Variants in PTBP2 observed in about 807,000 individuals in gnomAD.
PTBP2 encodes the protein polypyrimidine tract binding protein 2.
In PTBP2, 13 loss-of-function variants were observed where a neutral mutation model predicts 61.4. That is an observed-to-expected ratio of 0.21 (90% CI 0.14 to 0.34). The LOEUF (loss-of-function observed/expected upper bound fraction) is 0.34, where lower values mean the gene tolerates loss of function less well. Among genes scored for constraint, PTBP2 ranks in the 10% least tolerant of loss-of-function variants. The pLI is 1.00. For missense variants in PTBP2, 405 were observed against 642.6 expected (o/e 0.63, Z 4.00); for synonymous variants, 215 against 218.5 (o/e 0.98, Z 0.14).
intron 2 of PTBP2, among the ~76,000 whole-genome samples, chr1:96,743,105 T>G (rs569427666): frequency 6.6e-6 from 1 of 151,786 alleles, no homozygotes; most frequent in South Asian, 2.1e-4. Context: ...GCTAACACAG[T>G]GAAAACCTGT....
Position 96,807,010 on chromosome 1 carries a change from C to T in PTBP2, c.1171+52C>T, listed in dbSNP as rs781635043. 3.7e-6 allele frequency: 5 copies of T among 1,354,486 alleles called. No individual in the cohort carries two copies. In the African/African-American group the frequency reaches 6.0e-5, roughly 16 times the overall value. The allele number at this position is 1,354,486 out of a possible 1,614,324, so 83.9% of individuals were successfully genotyped here. ...ACATCTTCACTTCTGCTTTCAAATG[C>T]ATAATGTGAATGTGCGAATAAAAAT... is the stretch of plus-strand genomic sequence containing the variant. On this transcript the variant is annotated intron_variant, in intron 11 of 13. Transcript: ENST00000674951.
intron 2 of PTBP2, among the ~76,000 whole-genome samples, chr1:96,742,959 T>C (rs900346007): frequency 1.3e-5 from 2 of 152,176 alleles, no homozygotes; most frequent in African/African-American, 4.8e-5. Context: ...TTTTCTTTTT[T>C]GTTGTTGTTA....
At chr1:96,754,568 T>C (rs1654945954) in intron 3 of PTBP2, among the ~76,000 whole-genome samples, 1 of 152,040 alleles carries the variant, frequency 6.6e-6, no homozygotes. Context: ...GAAAAGCCAA[T>C]AGAGGAAAAA....
At chr1:96,794,379 T>C (rs1190777099) in intron 8 of PTBP2, among the ~76,000 whole-genome samples, 8 of 152,186 alleles carry the variant, frequency 5.3e-5, no homozygotes, top group African/African-American at 1.9e-4. Context: ...ACAAAGAAAA[T>C]ACTTCTGTTG....
intron 1 of PTBP2, among the ~76,000 whole-genome samples, chr1:96,723,171 A>G (rs1649867693): frequency 6.6e-6 from 1 of 152,166 alleles, no homozygotes; most frequent in Admixed American, 6.5e-5. Context: ...CCAGATCAAC[A>G]CGGAAATTGA....
intron 2 of PTBP2, among the ~76,000 whole-genome samples, chr1:96,728,222 A>G (rs1002198069): frequency 1.3e-5 from 2 of 152,150 alleles, no homozygotes; most frequent in African/African-American, 4.8e-5. Context: ...CCTGGCCTCA[A>G]GCGATCTTTC....
At chr1:96,738,156 A>G (rs1652481989) in intron 2 of PTBP2, among the ~76,000 whole-genome samples, 1 of 152,184 alleles carries the variant, frequency 6.6e-6, no homozygotes, top group South Asian at 2.1e-4. Flanking sequence ...TCCCTCATTT[A>G]TTCAAATTGT....
At chr1:96,807,006 A>C (rs1661555641) in intron 11 of PTBP2, 48 bp downstream of exon 11, 1 of 1,374,794 alleles carries the variant, frequency 7.3e-7, no homozygotes. Flanking sequence ...TCTGCTTTCA[A>C]ATGCATAATG....
At chr1:96,722,378 C>T (rs1222647442) in intron 1 of PTBP2, among the ~76,000 whole-genome samples, 1 of 151,512 alleles carries the variant, frequency 6.6e-6, no homozygotes, top group East Asian at 2.0e-4. Context: ...CCCGGCCCTC[C>T]GTGGTCGGGA....
intron 2 of PTBP2, among the ~76,000 whole-genome samples, chr1:96,743,553 A>T (rs1373898352): frequency 6.6e-6 from 1 of 152,074 alleles, no homozygotes; most frequent in Non-Finnish European, 1.5e-5. Context: ...AAGTGGCGCT[A>T]TTCTTTTTTT....
intron 8 of PTBP2, among the ~76,000 whole-genome samples, chr1:96,803,432 T>TA (rs553304693): frequency 6.7e-6 from 1 of 148,158 alleles, no homozygotes; most frequent in South Asian, 2.2e-4. Context: ...AAGGAGAGCC[T>TA]AAAAAAAAAG....
At chr1:96,736,675 T>C (rs1652236530) in intron 2 of PTBP2, among the ~76,000 whole-genome samples, 1 of 152,070 alleles carries the variant, frequency 6.6e-6, no homozygotes, top group Non-Finnish European at 1.5e-5. Context: ...TGTGTTGCCT[T>C]TTCCTCTTTT....
At position 96,769,774 on chromosome 1, in the gene PTBP2, A is replaced by G. The variant is rs1251735270; in HGVS notation, c.187A>G (p.Ile63Val). ...MDGAPSRVLH[I>V]RKLPGEVTET... Reference sequence around the variant, plus strand: ...TGGTGCTCCTTCTCGTGTACTTCATATTCGAAAATTACCTGGGGAAGTAAC... The same window carrying G: ...TGGTGCTCCTTCTCGTGTACTTCATGTTCGAAAATTACCTGGGGAAGTAAC... The change falls in exon 4 of 14, where the codon ATT becomes GTT. Residue 63 changes from isoleucine to valine, a missense_variant. This residue lies in a region of PTBP2 where 342 missense variants were observed against 491.2 expected (regional missense o/e 0.70). Transcript: ENST00000674951. The G allele has an allele frequency of 1.2e-6, 2 of 1,611,890 alleles. No homozygotes were observed. Among genetic ancestry groups the G allele is most frequent in the Admixed American group, 1.7e-5 (1 of 59,820 alleles).
chr1:96,742,051 A>C (rs1286095790), intron 2 of PTBP2, among the ~76,000 whole-genome samples: 7 of 152,180 alleles, frequency 4.6e-5, no homozygotes, highest in African/African-American at 1.7e-4. Context: ...TCTTCACTGC[A>C]TTTATTTTAA....
intron 3 of PTBP2, among the ~76,000 whole-genome samples, chr1:96,762,321 CCTCA>C (rs1656000498): frequency 6.6e-6 from 1 of 151,212 alleles, no homozygotes; most frequent in Non-Finnish European, 1.5e-5. Context: ...CAGAGGCGCC[CCTCA>C]CTCCCCAGTA....
intron 3 of PTBP2, among the ~76,000 whole-genome samples, chr1:96,752,170 T>C (rs1184786476): frequency 1.3e-5 from 2 of 152,112 alleles, no homozygotes; most frequent in African/African-American, 4.8e-5. Context: ...GTATTTTGTT[T>C]AGTTTTGCTT....
intron 10 of PTBP2, 23 bp downstream of exon 10, chr1:96,806,475 C>G (rs769416547): frequency 6.3e-7 from 1 of 1,596,786 alleles, no homozygotes; most frequent in Admixed American, 1.7e-5. Context: ...TAGCACTATA[C>G]TTTTATTATT....
At chr1:96,810,254 C>T (rs1278651714) in intron 11 of PTBP2, among the ~76,000 whole-genome samples, 1 of 152,042 alleles carries the variant, frequency 6.6e-6, no homozygotes, top group African/African-American at 2.4e-5. Context: ...CCATTTATGC[C>T]ATATTTCTTG....
intron 8 of PTBP2, among the ~76,000 whole-genome samples, chr1:96,797,207 C>T (rs1257000097): frequency 6.6e-6 from 1 of 152,124 alleles, no homozygotes; most frequent in African/African-American, 2.4e-5. Flanking sequence ...TTGAAAGTAA[C>T]ATTGTGCGGT....
Sources: gnomAD v4.1 joint callset for allele counts (sites outside exome capture counted in the v4.1 genomes callset) on GRCh38, gnomAD v4.1.1 for gene constraint, gnomAD v4.1.1 regional missense constraint, MANE v1.5 for transcripts, NCBI Gene and HGNC (gene_info 2026-07-23, HGNC 2026-07-21) for gene names.